The following SUPT3H variants were observed in gnomAD, a reference collection of about 807,000 sequenced individuals.
SUPT3H encodes the protein SPT3 homolog, SAGA and STAGA complex component.
Under a neutral mutation model 44.3 loss-of-function variants are expected in SUPT3H, and 44 were observed. The ratio of observed to expected loss-of-function variants is 0.99; its 90% CI spans 0.78 to 1.28. SUPT3H has a LOEUF of 1.28. Ranked by LOEUF, SUPT3H falls within the 50% of genes most tolerant of loss-of-function variation. SUPT3H has a pLI of 0.00. For missense variants in SUPT3H, 380 were observed against 387.1 expected (o/e 0.98, Z 0.15); for synonymous variants, 124 against 125.6 (o/e 0.99, Z 0.09).
chr6:45,084,246 G>A (rs537183212), intron 3 of SUPT3H, among the ~76,000 whole-genome samples: 10 of 152,060 alleles, frequency 6.6e-5, no homozygotes, highest in South Asian at 2.1e-4. Context: ...ATACCCATGC[G>A]ACAAAGGTCT....
At chr6:45,176,062 G>T (rs539304147) in intron 2 of SUPT3H, among the ~76,000 whole-genome samples, 9 of 151,330 alleles carry the variant, frequency 5.9e-5, no homozygotes, top group Non-Finnish European at 1.2e-4. Flanking sequence ...CTATATCTTG[G>T]GGGGAGGAGC....
At chr6:45,132,965 C>T (rs1803709160) in intron 2 of SUPT3H, among the ~76,000 whole-genome samples, 1 of 152,184 alleles carries the variant, frequency 6.6e-6, no homozygotes, top group Non-Finnish European at 1.5e-5. Context: ...TGTCTGAGTA[C>T]ACATCCTGAA....
At chr6:44,914,706 G>A (rs1033483551) in intron 10 of SUPT3H, among the ~76,000 whole-genome samples, 2 of 152,174 alleles carry the variant, frequency 1.3e-5, no homozygotes, top group African/African-American at 2.4e-5. Context: ...GGTGGCTGTT[G>A]TCTCTTCAGA....
At chr6:45,061,444 A>AG in intron 3 of SUPT3H, among the ~76,000 whole-genome samples, 1 of 152,086 alleles carries the variant, frequency 6.6e-6, no homozygotes. Context: ...GGCCTTTTAG[A>AG]GGGGGCAGGG....
intron 2 of SUPT3H, among the ~76,000 whole-genome samples, chr6:45,257,232 G>C (rs559435444): frequency 3.0e-4 from 45 of 152,220 alleles, no homozygotes; most frequent in Admixed American, 2.2e-3. Flanking sequence ...ATTTGAATAT[G>C]AGCCCCATTT....
chr6:44,944,820 G>C (rs1196953409), intron 9 of SUPT3H, among the ~76,000 whole-genome samples: 3 of 132,526 alleles, frequency 2.3e-5, no homozygotes, highest in African/African-American at 8.3e-5. Flanking sequence ...ACAGAAAGGA[G>C]GAATAAAGAA....
At chr6:44,992,391 A>G (rs1377200370) in intron 6 of SUPT3H, among the ~76,000 whole-genome samples, 1 of 152,156 alleles carries the variant, frequency 6.6e-6, no homozygotes, top group African/African-American at 2.4e-5. Context: ...AACAGTGGAC[A>G]CGAGTGTTCA....
In SUPT3H at chr6:44,944,517, G is replaced by A. The variant is rs559613219; in HGVS notation, c.801+8793C>T. ...CAGCTCATGCCTATAAAAGCACTTT[G>A]GGAGGCTGAGGTGGGTGGACCGCTT... On this transcript the variant is annotated intron_variant, in intron 9 of 10. Coordinates refer to ENST00000371459, the MANE Select transcript of SUPT3H (RefSeq NM_003599.4). Among the ~76,000 whole-genome samples, 28 of 151,942 alleles carry A rather than the reference G, an allele frequency of 1.8e-4. No homozygotes were observed. In the South Asian group the frequency reaches 4.4e-3, roughly 24 times the overall value.
chr6:44,853,957 T>A (rs1221747516), intron 10 of SUPT3H, among the ~76,000 whole-genome samples: 1 of 151,710 alleles, frequency 6.6e-6, no homozygotes, highest in Admixed American at 6.6e-5. Flanking sequence ...CTGCATCAGC[T>A]GGTTCTCAAT....
chr6:45,063,478 AGAG>A (rs1190324212), intron 3 of SUPT3H, among the ~76,000 whole-genome samples: 1 of 145,640 alleles, frequency 6.9e-6, no homozygotes, highest in Non-Finnish European at 1.5e-5. Context: ...TGACGAGCTG[AGAG>A]AAGAAGGCTT....
chr6:44,925,102 C>A (rs1057016786), intron 10 of SUPT3H, among the ~76,000 whole-genome samples: 1 of 152,118 alleles, frequency 6.6e-6, no homozygotes, highest in African/African-American at 2.4e-5. Context: ...TATTTTCGAT[C>A]CCTATTAGTC....
chr6:45,263,298 C>T (rs116488840), intron 2 of SUPT3H, among the ~76,000 whole-genome samples: 282 of 152,264 alleles, frequency 1.9e-3, no homozygotes, highest in African/African-American at 6.5e-3. Flanking sequence ...GAATACCACA[C>T]AGCAATAAAA....
chr6:44,983,257 G>T (rs950354125), intron 6 of SUPT3H, among the ~76,000 whole-genome samples: 3 of 152,088 alleles, frequency 2.0e-5, no homozygotes, highest in Admixed American at 6.5e-5. Context: ...TATACAGGGT[G>T]ACTTGTTAGG....
At chr6:45,173,206 T>C (rs1254180080) in intron 2 of SUPT3H, among the ~76,000 whole-genome samples, 1 of 152,194 alleles carries the variant, frequency 6.6e-6, no homozygotes, top group Admixed American at 6.5e-5. Flanking sequence ...CTTCACATGG[T>C]TTAAATTTAT....
chr6:45,171,952 G>C (rs1048833798), intron 2 of SUPT3H, among the ~76,000 whole-genome samples: 1 of 151,482 alleles, frequency 6.6e-6, no homozygotes. Flanking sequence ...TCCTGACCTC[G>C]TGATCAGGCT....
intron 1 of SUPT3H, among the ~76,000 whole-genome samples, chr6:45,369,531 T>C (rs966358822): frequency 3.9e-5 from 6 of 152,046 alleles, no homozygotes; most frequent in African/African-American, 9.7e-5. Flanking sequence ...TCCAGAGAAA[T>C]AAAAAGCTAT....
At chr6:44,870,796 C>A (rs1240980170) in intron 10 of SUPT3H, among the ~76,000 whole-genome samples, 1 of 150,226 alleles carries the variant, frequency 6.7e-6, no homozygotes. Context: ...TGCGCGCACC[C>A]TGCGCGAGCT....
intron 3 of SUPT3H, among the ~76,000 whole-genome samples, chr6:45,060,641 T>G (rs536239586): frequency 6.6e-6 from 1 of 152,056 alleles, no homozygotes; most frequent in Non-Finnish European, 1.5e-5. Context: ...GAAACTATCA[T>G]CAGAGTGAAC....
chr6:44,856,085 T>C lies in SUPT3H; in HGVS notation c.913-26228A>G, dbSNP rs538687576. ...CAAATATAGTTGAAGCACTTATTAA[T>C]GTCAAGAAGCCAAGATATTTCTCCA... is the stretch of plus-strand genomic sequence containing the variant. On this transcript the variant is annotated intron_variant, in intron 10 of 10. Coordinates refer to ENST00000371459, the MANE Select transcript of SUPT3H (RefSeq NM_003599.4). Among the ~76,000 whole-genome samples, 10 of 152,276 alleles carry C rather than the reference T, an allele frequency of 6.6e-5. No individual in the cohort carries two copies. In the East Asian group the frequency reaches 7.7e-4, roughly 12 times the overall value.
Sources: allele counts gnomAD v4.1 joint callset (sites outside exome capture counted in the v4.1 genomes callset), GRCh38; gene constraint gnomAD v4.1.1; transcripts MANE v1.5; gene names NCBI Gene and HGNC (gene_info 2026-07-23, HGNC 2026-07-21).